The following LTBP1 variants were observed in gnomAD, a reference collection of about 807,000 sequenced individuals.
LTBP1 encodes latent transforming growth factor beta binding protein 1, also known as latent-transforming growth factor beta-binding protein 1.
LTBP1 carries 129 observed loss-of-function variants against 207.6 expected under a neutral mutation model. The observed-to-expected ratio is 0.62, with a 90% CI of 0.54 to 0.72. The LOEUF (loss-of-function observed/expected upper bound fraction) is 0.72. Ranked by LOEUF, LTBP1 falls within the 30% of genes least tolerant of loss-of-function variation. The probability of loss-of-function intolerance (pLI) is 0.00; values close to 1 mark genes in which losing one functional copy is unlikely to be tolerated. For missense variants in LTBP1, 2,281 were observed against 2,217.2 expected, an observed-to-expected ratio of 1.03 and a Z score of -0.58; for synonymous variants, 963 against 833.7, an observed-to-expected ratio of 1.16 and a Z score of -2.67.
intron 3 of LTBP1, among the ~76,000 whole-genome samples, chr2:33,099,796 G>A (rs924159841): frequency 6.6e-6 from 1 of 152,190 alleles, no homozygotes; most frequent in African/African-American, 2.4e-5. Context: ...CTCTGTGGGT[G>A]CCTCTCATAG....
intron 6 of LTBP1, among the ~76,000 whole-genome samples, chr2:33,187,755 G>A (rs6708543): frequency 0.017 from 2,545 of 152,206 alleles, 66 homozygotes; most frequent in African/African-American, 0.056. Context: ...ATGCACTTTG[G>A]TATTTTGTGT....
At chr2:32,967,533 G>T (rs761963220) in intron 2 of LTBP1, among the ~76,000 whole-genome samples, 3 of 151,964 alleles carry the variant, frequency 2.0e-5, no homozygotes, top group Non-Finnish European at 4.4e-5. Flanking sequence ...TTTCATTTAG[G>T]TCTAAAATAT....
chr2:33,233,243 T>C (rs545775481), intron 9 of LTBP1, among the ~76,000 whole-genome samples: 1 of 152,294 alleles, frequency 6.6e-6, no homozygotes, highest in East Asian at 1.9e-4. Context: ...CGCTGCATTT[T>C]GAATGGTTAT....
intron 26 of LTBP1, among the ~76,000 whole-genome samples, chr2:33,356,235 G>C (rs930945968): frequency 6.6e-6 from 1 of 152,216 alleles, no homozygotes; most frequent in Non-Finnish European, 1.5e-5. Context: ...GGACAGGGAA[G>C]CAATCGTGAT....
chr2:33,203,168 T>A (rs905455039), intron 7 of LTBP1, among the ~76,000 whole-genome samples: 4 of 152,224 alleles, frequency 2.6e-5, no homozygotes, highest in Non-Finnish European at 4.4e-5. Context: ...GTCCTACACA[T>A]CTCACTGATA....
At chr2:33,266,046 C>G (rs1413838411) in intron 15 of LTBP1, among the ~76,000 whole-genome samples, 1 of 152,212 alleles carries the variant, frequency 6.6e-6, no homozygotes, top group African/African-American at 2.4e-5. Flanking sequence ...GCCACGGCTC[C>G]AGATCTAGAC....
intron 7 of LTBP1, among the ~76,000 whole-genome samples, chr2:33,195,881 T>G (rs542818632): frequency 6.6e-6 from 1 of 152,188 alleles, no homozygotes; most frequent in African/African-American, 2.4e-5. Flanking sequence ...ACCCCAACCC[T>G]CAGGAACCCC....
chr2:33,248,409 G>T (rs767075649), intron 10 of LTBP1, among the ~76,000 whole-genome samples: 2 of 152,154 alleles, frequency 1.3e-5, no homozygotes, highest in Admixed American at 1.3e-4. Context: ...AACTGGATCT[G>T]TCTCACTCCA....
At chr2:33,083,630 A>G (rs750279377) in intron 3 of LTBP1, among the ~76,000 whole-genome samples, 3 of 152,090 alleles carry the variant, frequency 2.0e-5, no homozygotes, top group African/African-American at 4.8e-5. Flanking sequence ...TTAGAGAACA[A>G]TGGTTAGTAC....
intron 5 of LTBP1, among the ~76,000 whole-genome samples, chr2:33,151,823 TTGTGTGTGTGTGTGTGTGTGTGTGTG>T (rs10526529): frequency 1.1e-3 from 137 of 129,484 alleles, no homozygotes; most frequent in African/African-American, 2.6e-3. Context: ...GTATTCCATT[TTGTGTGTGTGTGTGTGTGTGTGTGTG>T]TGTGTGTGTG....
chr2:33,243,591 A>G, intron 9 of LTBP1, 71 bp from the exon 10 acceptor site: 2 of 1,459,384 alleles, frequency 1.4e-6, no homozygotes, highest in Admixed American at 1.9e-5. Context: ...AAGGAAGTGA[A>G]TGCAATGTAT....
At chr2:33,080,903 C>T (rs905015687) in intron 3 of LTBP1, among the ~76,000 whole-genome samples, 3 of 152,060 alleles carry the variant, frequency 2.0e-5, no homozygotes, top group East Asian at 3.8e-4. Flanking sequence ...TTGCAAGGTT[C>T]GTGGCTGAGG....
intron 4 of LTBP1, among the ~76,000 whole-genome samples, chr2:33,130,069 A>G (rs76445268): frequency 0.044 from 6,638 of 152,278 alleles, 219 homozygotes; most frequent in South Asian, 0.069. Context: ...AAGCCTGGAG[A>G]GCTGAACAAT....
intron 31 of LTBP1, among the ~76,000 whole-genome samples, chr2:33,383,301 C>T (rs529574505): frequency 3.3e-5 from 5 of 152,196 alleles, no homozygotes; most frequent in East Asian, 1.9e-4. Context: ...TGCAGTGAAC[C>T]GAGATTGCGC....
chr2:33,020,133 G>A (rs2075091726), intron 2 of LTBP1, among the ~76,000 whole-genome samples: 1 of 152,096 alleles, frequency 6.6e-6, no homozygotes, highest in South Asian at 2.1e-4. Context: ...AATTCGGAAT[G>A]GTGCCTAGCA....
chr2:33,323,654 A>C (rs1345148903), intron 24 of LTBP1, among the ~76,000 whole-genome samples: 1 of 152,156 alleles, frequency 6.6e-6, no homozygotes. Context: ...ACAAAAAATC[A>C]TAAGTGGAAC....
At chr2:33,343,336 A>G (rs181392877) in intron 25 of LTBP1, among the ~76,000 whole-genome samples, 14 of 150,782 alleles carry the variant, frequency 9.3e-5, no homozygotes, top group Non-Finnish European at 1.9e-4. Context: ...TCATGTGCCC[A>G]GGAGTTTGAG....
chr2:33,320,316 C>T (rs2094335770), intron 24 of LTBP1, among the ~76,000 whole-genome samples: 1 of 151,124 alleles, frequency 6.6e-6, no homozygotes, highest in African/African-American at 2.4e-5. Context: ...TTGCAGTGAG[C>T]CAAGGTCACA....
chr2:33,065,651 T>A (rs1033486363), intron 3 of LTBP1, among the ~76,000 whole-genome samples: 5 of 152,316 alleles, frequency 3.3e-5, no homozygotes, highest in Admixed American at 1.3e-4. Context: ...AAAGAATTTT[T>A]CCATATATGT....
Sources: allele counts gnomAD v4.1 joint callset (sites outside exome capture counted in the v4.1 genomes callset), GRCh38; gene constraint gnomAD v4.1.1; transcripts MANE v1.5; gene names NCBI Gene and HGNC (gene_info 2026-07-23, HGNC 2026-07-21).